The following PPARGC1B variants were observed in gnomAD, a reference collection of about 807,000 sequenced individuals.
PPARGC1B encodes the protein peroxisome proliferator-activated receptor gamma coactivator 1-beta.
In PPARGC1B, 34 loss-of-function variants were observed where a neutral mutation model predicts 101.6. The ratio of observed to expected loss-of-function variants is 0.33; its 90% CI spans 0.25 to 0.45. PPARGC1B has a LOEUF of 0.45. PPARGC1B is among the 20% of genes least tolerant of loss of function. The pLI, the probability that PPARGC1B is intolerant of heterozygous loss-of-function variation, is 1.00. For missense variants in PPARGC1B, 1,234 were observed against 1,317.6 expected (o/e 0.94, Z 0.98); for synonymous variants, 548 against 539.3 (o/e 1.02, Z -0.22).
chr5:149,789,875 G>C (rs1756950782), intron 1 of PPARGC1B, among the ~76,000 whole-genome samples: 1 of 152,174 alleles, frequency 6.6e-6, no homozygotes, highest in Non-Finnish European at 1.5e-5. Flanking sequence ...AGGTGAAATT[G>C]GCCTGCTGTG....
chr5:149,769,883 C>G (rs1396277658), intron 1 of PPARGC1B, among the ~76,000 whole-genome samples: 2 of 152,224 alleles, frequency 1.3e-5, no homozygotes, highest in African/African-American at 2.4e-5. Context: ...AAAAGACCCT[C>G]TGATCACACT....
chr5:149,736,771 T>A (rs575156911), intron 1 of PPARGC1B, among the ~76,000 whole-genome samples: 78 of 152,326 alleles, frequency 5.1e-4, no homozygotes, highest in Admixed American at 1.6e-3. Flanking sequence ...TTTAAGACTT[T>A]ATTTTTTTAG....
Position 149,833,811 on chromosome 5 carries a change from C to G in PPARGC1B, c.1705+33C>G. 1 of 1,456,956 alleles carries G rather than the reference C, an allele frequency of 6.9e-7. No homozygotes were observed. The highest frequency in any genetic ancestry group is 1.4e-5 in the South Asian group (1 of 69,982). The allele number at this position is 1,456,956 out of a possible 1,614,324, so 90.3% of individuals were successfully genotyped here. A position where few individuals can be genotyped will look rare whatever the true frequency, so the allele number is the denominator to read the frequency against. On this transcript the variant is annotated intron_variant, in intron 5 of 11. Transcript: ENST00000309241. The surrounding 1 kb of genome is among the most constrained non-coding windows in gnomAD (Gnocchi z 4.1). ...GAGTTGGTGGTCTGCGAAGTGGGGG[C>G]AGGGATGGGGTGCAGCATGCCCCTC...
At chr5:149,835,409 C>T (rs1407024555) in intron 7 of PPARGC1B, 44 bp downstream of exon 7, 1 of 1,551,748 alleles carries the variant, frequency 6.4e-7, no homozygotes, top group East Asian at 2.2e-5. Context: ...CAGGAAAACA[C>T]CCGTGCATCT....
At chr5:149,825,121 G>T (rs1183045085) in intron 2 of PPARGC1B, among the ~76,000 whole-genome samples, 1 of 152,234 alleles carries the variant, frequency 6.6e-6, no homozygotes, top group African/African-American at 2.4e-5. Context: ...TAAATGAGGC[G>T]CTCGGTGCCT....
At chr5:149,814,976 C>G (rs981176592) in intron 1 of PPARGC1B, among the ~76,000 whole-genome samples, 7 of 152,236 alleles carry the variant, frequency 4.6e-5, no homozygotes, top group African/African-American at 1.7e-4. Flanking sequence ...CAGCCACAAA[C>G]TTGCTGTATG....
rs777096286 is a variant in PPARGC1B, at chr5:149,850,353, G to A, written c.*2795G>A. On this transcript the variant is annotated 3_prime_UTR_variant, in exon 12 of 12. Transcript: ENST00000309241. ...CATGTCAGATTAACCTAGGACACTTGTAGTTAGCTTAGACGTTGGCCCTTG... is the reference window on the plus strand; with the variant it reads ...CATGTCAGATTAACCTAGGACACTTATAGTTAGCTTAGACGTTGGCCCTTG... 6.6e-6 allele frequency: 1 copy of A among 152,230 alleles called. No homozygotes were observed. Among genetic ancestry groups the A allele is most frequent in the African/African-American group, 2.4e-5 (1 of 41,456 alleles). The allele number at this position is 152,230 out of a possible 1,614,324, so 9.4% of individuals were successfully genotyped here.
intron 1 of PPARGC1B, among the ~76,000 whole-genome samples, chr5:149,732,259 G>A (rs1411261555): frequency 6.6e-6 from 1 of 152,188 alleles, no homozygotes; most frequent in Non-Finnish European, 1.5e-5. Flanking sequence ...GCGGGAGGAG[G>A]GGCAGAGTCA....
chr5:149,797,899 G>A (rs1757286977), intron 1 of PPARGC1B, among the ~76,000 whole-genome samples: 1 of 152,196 alleles, frequency 6.6e-6, no homozygotes, highest in African/African-American at 2.4e-5. Flanking sequence ...CAGCCTGGGC[G>A]ACAGAGCAAA....
Position 149,730,399 on chromosome 5 carries a change from C to T in PPARGC1B, c.57C>T (p.Leu19=). ...LLDEELSSFF[L]NYLADTQGGG... ...ACGAAGAGCTCTCCTCCTTCTTCCTCAACTATCTCGCTGACACGCAGGTAC... is the reference window on the plus strand; with the variant it reads ...ACGAAGAGCTCTCCTCCTTCTTCCTTAACTATCTCGCTGACACGCAGGTAC... Residue 19 remains leucine, a synonymous_variant, in exon 1 of 12, where the codon CTC becomes CTT. Coordinates refer to ENST00000309241, the MANE Select transcript of PPARGC1B (RefSeq NM_133263.4). This position sits in a 1 kb window ranked among gnomAD's most constrained non-coding sequence, Gnocchi z 4.0. 6.4e-7 allele frequency: 1 copy of T among 1,570,626 alleles called. No individual in the cohort carries two copies.
Position 149,748,746 on chromosome 5 carries a change from T to C in PPARGC1B, c.78+18326T>C, listed in dbSNP as rs146798992. ...GCAATGAGTGGCTAGGTGAGAGGCT[T>C]GAGGGGAGGCTCTGAGCTGACTGGA... is the stretch of plus-strand genomic sequence containing the variant. On this transcript the variant is annotated intron_variant, in intron 1 of 11. Coordinates refer to ENST00000309241, the MANE Select transcript of PPARGC1B (RefSeq NM_133263.4). Among the ~76,000 whole-genome samples the C allele has an allele frequency of 1.4e-3, 214 of 152,270 alleles. 1 individual carries two copies. The highest frequency in any genetic ancestry group is 5.0e-3 in the African/African-American group (208 of 41,566).
Position 149,836,975 on chromosome 5 carries a change from A to G in PPARGC1B, c.2520A>G (p.Pro840=), listed in dbSNP as rs761024601. ...CTGACCACTGCCCCTACCAGAGCCC[A>G]CCAAGCAAGGCCAACCGGCAGCTCT... ...TCSDHCPYQS[P]PSKANRQLCS... is the part of the protein sequence containing the mutation. Residue 840 remains proline (P), a synonymous_variant, in exon 8 of 12, where the codon CCA becomes CCG. Transcript: ENST00000309241. 3.7e-6 allele frequency: 6 copies of G among 1,614,086 alleles called. No homozygotes were observed. Among genetic ancestry groups the G allele is most frequent in the Non-Finnish European group, 5.1e-6 (6 of 1,180,022 alleles).
At chr5:149,731,509 G>A (rs1416675437) in intron 1 of PPARGC1B, among the ~76,000 whole-genome samples, 1 of 152,314 alleles carries the variant, frequency 6.6e-6, no homozygotes, top group East Asian at 1.9e-4. Flanking sequence ...ACGGAGAGGG[G>A]CGGCCGGGCG....
At chr5:149,771,780 G>A (rs932408031) in intron 1 of PPARGC1B, among the ~76,000 whole-genome samples, 1 of 152,174 alleles carries the variant, frequency 6.6e-6, no homozygotes, top group Admixed American at 6.5e-5. Context: ...TGGTGTGCTG[G>A]GAAATGCATA....
rs548624674 is a variant in PPARGC1B at position 149,768,183 on chromosome 5, C to A, written c.78+37763C>A. On this transcript the variant is annotated intron_variant, in intron 1 of 11. Coordinates refer to ENST00000309241, the MANE Select transcript of PPARGC1B (RefSeq NM_133263.4). Reference sequence around the variant, plus strand: ...TTGTGGCAGTCTCCGGATATTCCGCCTTGATTTTAATCCAGAACGTATGGA... The same window carrying A: ...TTGTGGCAGTCTCCGGATATTCCGCATTGATTTTAATCCAGAACGTATGGA... Among the ~76,000 whole-genome samples, 55 of 152,290 alleles carry A rather than the reference C, an allele frequency of 3.6e-4. 1 individual carries two copies. In the Middle Eastern group the frequency reaches 0.014, roughly 38 times the overall value.
rs760158984 is a variant in PPARGC1B at position 149,836,580 on chromosome 5, C to G, written c.2125C>G (p.Leu709Val). 3.7e-6 allele frequency: 6 copies of G among 1,613,850 alleles called. No individual in the cohort carries two copies. The Admixed American group carries it at 1.0e-4, about 27-fold the overall frequency. ...AGAAGGCGTCCTGCAAAGGAAGGTG[C>G]TGAGGTCCTGGGAGCCGTCTGGGGT... ...RPEGVLQRKV[L>V]RSWEPSGVHL... Residue 709 changes from leucine (L) to valine (V), a missense_variant, in exon 8 of 12, where the codon CTG becomes GTG. Leu to Val is a conservative substitution (Grantham distance 32, BLOSUM62 1). This residue lies in a region of PPARGC1B where 497 missense variants were observed against 529.5 expected (regional missense o/e 0.94). Coordinates refer to ENST00000309241, the MANE Select transcript of PPARGC1B (RefSeq NM_133263.4).
At chr5:149,764,386 C>T (rs1322408583) in intron 1 of PPARGC1B, among the ~76,000 whole-genome samples, 3 of 152,146 alleles carry the variant, frequency 2.0e-5, no homozygotes, top group Non-Finnish European at 4.4e-5. Context: ...AAACATGAGG[C>T]TGAAGTAGGA....
chr5:149,842,016 C>G (rs903769454), intron 9 of PPARGC1B, among the ~76,000 whole-genome samples: 1 of 152,200 alleles, frequency 6.6e-6, no homozygotes, highest in Admixed American at 6.5e-5. Context: ...AGTCTTTGCT[C>G]ATTTCCTTCA....
intron 1 of PPARGC1B, among the ~76,000 whole-genome samples, chr5:149,734,061 C>T (rs1331072649): frequency 1.3e-5 from 2 of 152,044 alleles, no homozygotes; most frequent in African/African-American, 4.8e-5. Context: ...GTGGCTCACC[C>T]CTGTAATCCT....
Sources: allele counts gnomAD v4.1 joint callset (sites outside exome capture counted in the v4.1 genomes callset), GRCh38; gene constraint gnomAD v4.1.1; regional missense constraint gnomAD v4.1.1; non-coding constraint Gnocchi (gnomAD v3.1); transcripts MANE v1.5; gene names NCBI Gene and HGNC (gene_info 2026-07-23, HGNC 2026-07-21).